Variants in LCK observed in about 807,000 individuals in gnomAD.
The protein encoded by LCK is LCK proto-oncogene, Src family tyrosine kinase, also known as tyrosine-protein kinase Lck.
In LCK, 14 loss-of-function variants were observed where a neutral mutation model predicts 64.6. The ratio of observed to expected loss-of-function variants is 0.22; its 90% CI spans 0.14 to 0.34. LCK has a LOEUF of 0.34. Among genes scored for constraint, LCK ranks in the 10% least tolerant of loss-of-function variants. The probability of loss-of-function intolerance (pLI) is 1.00; values close to 1 mark genes in which losing one functional copy is unlikely to be tolerated. For synonymous variants in LCK, 277 were observed against 263.6 expected, an observed-to-expected ratio of 1.05 and a Z score of -0.49; for missense variants, 434 against 668.1, an observed-to-expected ratio of 0.65 and a Z score of 3.86.
At chr1:32,255,681 G>A (rs1313819499) in intron 1 of LCK, among the ~76,000 whole-genome samples, 1 of 152,144 alleles carries the variant, frequency 6.6e-6, no homozygotes, top group East Asian at 1.9e-4. Context: ...CCCACCAGAG[G>A]GGCACCCACC....
chr1:32,254,178 G>A (rs1409086246), intron 1 of LCK, among the ~76,000 whole-genome samples: 4 of 152,146 alleles, frequency 2.6e-5, no homozygotes, highest in African/African-American at 9.6e-5. Context: ...AGCTGTGATC[G>A]CTCCACTGCA....
intron 12 of LCK, among the ~76,000 whole-genome samples, chr1:32,281,303 T>A (rs113202525): frequency 0.067 from 9,756 of 146,600 alleles, 1,034 homozygotes; most frequent in African/African-American, 0.23. Flanking sequence ...AAAAAAAACA[T>A]TTAAAAATTA....
chr1:32,253,536 C>A (rs971330538), intron 1 of LCK, among the ~76,000 whole-genome samples: 1 of 152,144 alleles, frequency 6.6e-6, no homozygotes. Context: ...CCCACCTCGG[C>A]CCCCCAAAGT....
intron 1 of LCK, among the ~76,000 whole-genome samples, chr1:32,253,517 C>T (rs1387413956): frequency 1.3e-5 from 2 of 152,140 alleles, no homozygotes; most frequent in African/African-American, 4.8e-5. Context: ...CTCCTGACCT[C>T]GTGATCCGCC....
intron 1 of LCK, among the ~76,000 whole-genome samples, chr1:32,253,364 A>G (rs1639553905): frequency 6.6e-6 from 1 of 152,088 alleles, no homozygotes; most frequent in Non-Finnish European, 1.5e-5. Context: ...CCCATCTCAA[A>G]CAAAAATGCC....
intron 1 of LCK, among the ~76,000 whole-genome samples, chr1:32,266,187 T>C (rs1052195769): frequency 6.6e-6 from 1 of 152,076 alleles, no homozygotes; most frequent in Non-Finnish European, 1.5e-5. Flanking sequence ...TGGTCTCTAA[T>C]TCCTGGGCTC....
At position 32,275,987 on chromosome 1, in the gene LCK, T is replaced by C. The variant is rs766075813; in HGVS notation, c.555T>C (p.Asn185=). 1 of 1,614,136 alleles carries C rather than the reference T, an allele frequency of 6.2e-7. No individual in the cohort carries two copies. Among genetic ancestry groups the C allele is most frequent in the Non-Finnish European group, 8.5e-7 (1 of 1,180,002 alleles). ...GEVVKHYKIR[N]LDNGGFYISP... ...TGGTGAAACATTACAAGATCCGTAA[T>C]CTGGACAACGGTGGCTTCTACATCT... The change falls in exon 7 of 13, where the codon AAT becomes AAC. Residue 185 remains asparagine (N), a synonymous_variant. Transcript: ENST00000336890. The surrounding 1 kb of genome is among the most constrained non-coding windows in gnomAD (Gnocchi z 6.9).
chr1:32,253,145 C>G (rs1429257112), intron 1 of LCK, among the ~76,000 whole-genome samples: 1 of 152,144 alleles, frequency 6.6e-6, no homozygotes, highest in Non-Finnish European at 1.5e-5. Flanking sequence ...GCGGGCAGAT[C>G]ATTTGAGGCC....
In LCK at chr1:32,251,280, TACGACGGCG is replaced by T; in HGVS notation, c.-95_-87del. Reference sequence around the variant, plus strand: ...TGGGCGCGGGGAGACAGGTGGTGGCTACGACGGCGAAGGGAGCTGAGACTGTCCAGGCAG... The same window carrying T: ...TGGGCGCGGGGAGACAGGTGGTGGCTAAGGGAGCTGAGACTGTCCAGGCAG... On this transcript the variant is annotated 5_prime_UTR_variant, in exon 1 of 13. Coordinates refer to ENST00000336890, the MANE Select transcript of LCK (RefSeq NM_005356.5). This position sits in a 1 kb window ranked among gnomAD's most constrained non-coding sequence, Gnocchi z 4.0. The T allele has an allele frequency of 6.5e-6, 1 of 152,740 alleles. No individual in the cohort carries two copies. 9.5% of individuals were successfully genotyped at this position (152,740 alleles called of 1,614,324 possible). A position where few individuals can be genotyped will look rare whatever the true frequency, so the allele number is the denominator to read the frequency against.
At chr1:32,282,224 T>C (rs1165025901) in intron 12 of LCK, among the ~76,000 whole-genome samples, 2 of 152,224 alleles carry the variant, frequency 1.3e-5, no homozygotes, top group African/African-American at 4.8e-5. Flanking sequence ...TCACTGCTCC[T>C]TCCCGGTTCC....
intron 12 of LCK, 28 bp downstream of exon 12, chr1:32,280,238 G>T (rs748998185): frequency 6.2e-7 from 1 of 1,612,942 alleles, no homozygotes; most frequent in South Asian, 1.1e-5. Flanking sequence ...GAACTGAAAG[G>T]GTGATGGGAA....
intron 9 of LCK, among the ~76,000 whole-genome samples, chr1:32,278,408 G>A (rs1293774557): frequency 6.6e-6 from 1 of 151,326 alleles, no homozygotes; most frequent in Non-Finnish European, 1.5e-5. Context: ...GCATGATCTC[G>A]GCTCACTTCA....
chr1:32,274,977 C>T lies in LCK; in HGVS notation c.188-16C>T. On this transcript the variant is annotated splice_polypyrimidine_tract_variant and intron_variant, in intron 3 of 12. Transcript: ENST00000336890. ...GATCCCAGCTCGGTTCTCCCTGATGCCCCTTGTCTTTACAGACAACCTGGT... is the reference window on the plus strand; with the variant it reads ...GATCCCAGCTCGGTTCTCCCTGATGTCCCTTGTCTTTACAGACAACCTGGT... 1 of 1,614,196 alleles carries T rather than the reference C, an allele frequency of 6.2e-7. No individual in the cohort carries two copies. Among genetic ancestry groups the T allele is most frequent in the Non-Finnish European group, 8.5e-7 (1 of 1,180,022 alleles).
At chr1:32,259,533 T>C (rs1434562040) in intron 1 of LCK, among the ~76,000 whole-genome samples, 2 of 151,650 alleles carry the variant, frequency 1.3e-5, no homozygotes, top group Admixed American at 1.3e-4. Flanking sequence ...GGTAGGATAA[T>C]TGCTTGAACC....
rs1311788826 is a variant in LCK, at chr1:32,276,252, G to T, written c.632-85G>T. 18 of 1,502,524 alleles carry T rather than the reference G, an allele frequency of 1.2e-5. No individual in the cohort carries two copies. The Admixed American group carries it at 2.6e-4, about 21-fold the overall frequency. The allele number at this position is 1,502,524 out of a possible 1,614,324, so 93.1% of individuals were successfully genotyped here. A position where few individuals can be genotyped will look rare whatever the true frequency, so the allele number is the denominator to read the frequency against. On this transcript the variant is annotated intron_variant, in intron 7 of 12. Transcript: ENST00000336890. The surrounding 1 kb of genome is among the most constrained non-coding windows in gnomAD (Gnocchi z 4.6). ...CCCCCTTGCTAGTCCACTTCACCTA[G>T]ATGGGGGCTTGGAGAAGTGGGGGAG...
intron 1 of LCK, among the ~76,000 whole-genome samples, chr1:32,268,397 T>A (rs1231091367): frequency 6.6e-6 from 1 of 151,566 alleles, no homozygotes. Context: ...ACTGTGGCCT[T>A]GAACTCCTGG....
In LCK at chr1:32,276,804, C is replaced by T. The variant is rs377225994; in HGVS notation, c.964+18C>T. 3 of 1,573,124 alleles carry T rather than the reference C, an allele frequency of 1.9e-6. No homozygotes were observed. Among genetic ancestry groups the T allele is most frequent in the African/African-American group, 1.3e-5 (1 of 74,132 alleles). Reference sequence around the variant, plus strand: ...GGAGAATGGTGGGTGCTACCCGAGTCGGCTACCAGGGGATACTGCTCTCCC... The same window carrying T: ...GGAGAATGGTGGGTGCTACCCGAGTTGGCTACCAGGGGATACTGCTCTCCC... On this transcript the variant is annotated intron_variant, in intron 9 of 12. Coordinates refer to ENST00000336890, the MANE Select transcript of LCK (RefSeq NM_005356.5). The surrounding 1 kb of genome is among the most constrained non-coding windows in gnomAD (Gnocchi z 4.6).
chr1:32,271,530 A>T (rs1216151697), intron 1 of LCK, among the ~76,000 whole-genome samples: 1 of 152,124 alleles, frequency 6.6e-6, no homozygotes, highest in Non-Finnish European at 1.5e-5. Context: ...ATAAAAAATC[A>T]CCTGGGCTCA....
rs1229607503 is a variant in LCK at position 32,276,799 on chromosome 1, C to T, written c.964+13C>T. ...TACATGGAGAATGGTGGGTGCTACC[C>T]GAGTCGGCTACCAGGGGATACTGCT... On this transcript the variant is annotated intron_variant, in intron 9 of 12. Transcript: ENST00000336890. This position sits in a 1 kb window ranked among gnomAD's most constrained non-coding sequence, Gnocchi z 4.6. 2 of 1,578,332 alleles carry T rather than the reference C, an allele frequency of 1.3e-6. No homozygotes were observed. The highest frequency in any genetic ancestry group is 1.7e-6 in the Non-Finnish European group (2 of 1,157,060).
Sources: gnomAD v4.1 joint callset for allele counts (sites outside exome capture counted in the v4.1 genomes callset) on GRCh38, gnomAD v4.1.1 for gene constraint, Gnocchi (gnomAD v3.1) non-coding constraint, MANE v1.5 for transcripts, NCBI Gene and HGNC (gene_info 2026-07-23, HGNC 2026-07-21) for gene names.